CNTN6: variants seen among roughly 807,000 people sequenced by gnomAD.
CNTN6 encodes the protein contactin 6.
Under a neutral mutation model 122.8 loss-of-function variants are expected in CNTN6, and 137 were observed. The ratio of observed to expected loss-of-function variants is 1.12; its 90% CI spans 0.97 to 1.29. The LOEUF (loss-of-function observed/expected upper bound fraction) is 1.29. Among genes scored for constraint, CNTN6 ranks in the 50% most tolerant of loss-of-function variants. CNTN6 has a pLI of 0.00. For synonymous variants in CNTN6, 570 were observed against 426.0 expected (o/e 1.34, Z -4.16); for missense variants, 1,634 against 1,223.4 (o/e 1.34, Z -5.01).
chr3:1,161,974 T>C (rs561171142), intron 2 of CNTN6, among the ~76,000 whole-genome samples: 38 of 152,242 alleles, frequency 2.5e-4, no homozygotes, highest in African/African-American at 7.9e-4. Context: ...AGATAACATA[T>C]TTGGACTCAG....
intron 2 of CNTN6, among the ~76,000 whole-genome samples, chr3:1,186,303 C>G (rs1310838160): frequency 6.6e-6 from 1 of 152,082 alleles, no homozygotes; most frequent in Non-Finnish European, 1.5e-5. Context: ...ATATGGAAAT[C>G]TTTCATATCT....
At position 1,147,249 on chromosome 3, in the gene CNTN6, C is replaced by G. The variant is rs1032614263; in HGVS notation, c.-82-678C>G. Among the ~76,000 whole-genome samples the G allele has an allele frequency of 5.9e-5, 9 of 151,974 alleles. No individual in the cohort carries two copies. In the South Asian group the frequency reaches 8.3e-4, roughly 14 times the overall value. The stretch of plus-strand genomic sequence containing the variant: ...CCTACTACATCTCTTGATAGAAAAG[C>G]TGCAAAATTATACCATAAAAAGGCC... On this transcript the variant is annotated intron_variant, in intron 1 of 22. Transcript: ENST00000446702.
rs1304307012 is a variant in CNTN6, at chr3:1,401,445, C to A, written c.2717C>A (p.Pro906Gln). 2 of 1,611,612 alleles carry A rather than the reference C, an allele frequency of 1.2e-6. No homozygotes were observed. The highest frequency in any genetic ancestry group is 1.7e-6 in the Non-Finnish European group (2 of 1,178,368). Residue 906 changes from proline to glutamine, a missense_variant, in exon 21 of 23, where the codon CCA becomes CAA. Transcript: ENST00000446702. ...VTTKKSPPSQPPANIAWKLTN... is the reference protein window; with the variant it reads ...VTTKKSPPSQQPANIAWKLTN... Reference sequence around the variant, plus strand: ...TATCTCTTTAAAGCTCCAAGCCAACCACCAGCAAACATTGCCTGGAAGCTG... The same window carrying A: ...TATCTCTTTAAAGCTCCAAGCCAACAACCAGCAAACATTGCCTGGAAGCTG...
intron 1 of CNTN6, among the ~76,000 whole-genome samples, chr3:1,105,469 T>C (rs2091173883): frequency 6.6e-6 from 1 of 152,180 alleles, no homozygotes. Context: ...ACTTATTACA[T>C]TTTAAGTGTG....
At chr3:1,365,187 C>A (rs536262058) in intron 12 of CNTN6, among the ~76,000 whole-genome samples, 5 of 151,960 alleles carry the variant, frequency 3.3e-5, no homozygotes, top group Admixed American at 2.6e-4. Flanking sequence ...CAACTCTTAT[C>A]AATCTTGTTT....
At chr3:1,398,173 A>C (rs1410846998) in intron 20 of CNTN6, among the ~76,000 whole-genome samples, 1 of 152,156 alleles carries the variant, frequency 6.6e-6, no homozygotes, top group African/African-American at 2.4e-5. Context: ...TGGTTTCTCA[A>C]GATGATAGAA....
intron 19 of CNTN6, among the ~76,000 whole-genome samples, chr3:1,385,195 G>A (rs1266369687): frequency 1.3e-5 from 2 of 151,728 alleles, no homozygotes; most frequent in East Asian, 1.9e-4. Context: ...AGTATAAATT[G>A]AATTATTAAT....
intron 4 of CNTN6, among the ~76,000 whole-genome samples, chr3:1,250,181 G>A (rs1331342334): frequency 6.6e-6 from 1 of 152,128 alleles, no homozygotes; most frequent in East Asian, 1.9e-4. Flanking sequence ...CATTTCCTGA[G>A]CTTGCTTAAA....
chr3:1,403,234 G>GT (rs1284742891), intron 22 of CNTN6, 84 bp from the exon 23 acceptor site: 5 of 741,268 alleles, frequency 6.7e-6, no homozygotes, highest in Non-Finnish European at 1.1e-5. Flanking sequence ...AGAAATGATA[G>GT]TATGAAATTG....
chr3:1,254,084 T>C (rs7651415), intron 4 of CNTN6, among the ~76,000 whole-genome samples: 2 of 152,292 alleles, frequency 1.3e-5, no homozygotes, highest in African/African-American at 2.4e-5. Context: ...AAAAATATTA[T>C]AAACAGATTT....
At chr3:1,208,171 C>T (rs1469310272) in intron 2 of CNTN6, among the ~76,000 whole-genome samples, 1 of 152,110 alleles carries the variant, frequency 6.6e-6, no homozygotes, top group Non-Finnish European at 1.5e-5. Flanking sequence ...CTAAACATAT[C>T]ATAATCTTGC....
At chr3:1,163,705 C>T (rs772667746) in intron 2 of CNTN6, among the ~76,000 whole-genome samples, 7 of 152,234 alleles carry the variant, frequency 4.6e-5, no homozygotes, top group African/African-American at 7.2e-5. Context: ...GCATGAGCTA[C>T]TGTGCCCAGC....
At chr3:1,323,767 C>T (rs1701174949) in intron 8 of CNTN6, among the ~76,000 whole-genome samples, 1 of 151,618 alleles carries the variant, frequency 6.6e-6, no homozygotes, top group Non-Finnish European at 1.5e-5. Flanking sequence ...AAATCTAAAA[C>T]TCAAACCTGT....
chr3:1,202,143 T>G (rs1292890573), intron 2 of CNTN6, among the ~76,000 whole-genome samples: 1 of 152,248 alleles, frequency 6.6e-6, no homozygotes, highest in East Asian at 1.9e-4. Flanking sequence ...TTCTCTTGTC[T>G]GTTTCCCTAT....
intron 1 of CNTN6, among the ~76,000 whole-genome samples, chr3:1,102,176 ATT>A (rs974871892): frequency 1.3e-5 from 2 of 152,068 alleles, no homozygotes; most frequent in African/African-American, 4.8e-5. Context: ...TTTTTTGCAT[ATT>A]GTTTCAAGGT....
chr3:1,259,633 T>C (rs1234408870), intron 4 of CNTN6, among the ~76,000 whole-genome samples: 1 of 152,120 alleles, frequency 6.6e-6, no homozygotes, highest in East Asian at 1.9e-4. Context: ...GGATGTGAAC[T>C]TACATGAGTT....
At chr3:1,256,991 AC>A (rs2094769947) in intron 4 of CNTN6, among the ~76,000 whole-genome samples, 1 of 152,176 alleles carries the variant, frequency 6.6e-6, no homozygotes, top group Non-Finnish European at 1.5e-5. Context: ...GCCAAATGAT[AC>A]TTTCAACAGC....
At chr3:1,314,644 C>A (rs1283540562) in intron 7 of CNTN6, among the ~76,000 whole-genome samples, 1 of 152,018 alleles carries the variant, frequency 6.6e-6, no homozygotes, top group Non-Finnish European at 1.5e-5. Context: ...GAAGTGTATT[C>A]TCTGTCTTCA....
chr3:1,348,318 A>G (rs1488471146), intron 11 of CNTN6, among the ~76,000 whole-genome samples: 1 of 151,990 alleles, frequency 6.6e-6, no homozygotes, highest in Non-Finnish European at 1.5e-5. Flanking sequence ...GGATGGCACA[A>G]GAAAAGAGGA....
Sources: gnomAD v4.1 joint callset for allele counts (sites outside exome capture counted in the v4.1 genomes callset) on GRCh38, gnomAD v4.1.1 for gene constraint, MANE v1.5 for transcripts, NCBI Gene and HGNC (gene_info 2026-07-23, HGNC 2026-07-21) for gene names.